Variants in SCML4 observed in about 807,000 individuals in gnomAD.
The protein encoded by SCML4 is Scm polycomb group protein like 4.
Under a neutral mutation model 41.1 loss-of-function variants are expected in SCML4, and 34 were observed. That is an observed-to-expected ratio of 0.83 (90% CI 0.63 to 1.10). The LOEUF is 1.10. Ranked by LOEUF, SCML4 falls within the 50% of genes least tolerant of loss-of-function variation. The pLI is 0.00. For missense variants in SCML4, 522 were observed against 534.1 expected, an observed-to-expected ratio of 0.98 and a Z score of 0.22; for synonymous variants, 214 against 220.9, an observed-to-expected ratio of 0.97 and a Z score of 0.28.
At chr6:107,729,931 T>A (rs980256599) in intron 5 of SCML4, among the ~76,000 whole-genome samples, 1 of 152,326 alleles carries the variant, frequency 6.6e-6, no homozygotes, top group East Asian at 1.9e-4. Context: ...GAGGCCATTG[T>A]GCTATGAATC....
upstream of SCML4, among the ~76,000 whole-genome samples, chr6:107,826,836 G>C (rs1785271684): frequency 6.6e-6 from 1 of 152,190 alleles, no homozygotes; most frequent in African/African-American, 2.4e-5. Context: ...GGCTGAGGTG[G>C]GCAGATCACA....
intron 6 of SCML4, 137 bp downstream of exon 6, chr6:107,720,566 A>G: frequency 7.0e-7 from 1 of 1,426,034 alleles, no homozygotes; most frequent in Non-Finnish European, 9.1e-7. Flanking sequence ...GATCCATGAA[A>G]GGACTTGTGG....
At chr6:107,742,904 G>A (rs1274677041) in intron 5 of SCML4, among the ~76,000 whole-genome samples, 1 of 152,116 alleles carries the variant, frequency 6.6e-6, no homozygotes, top group Non-Finnish European at 1.5e-5. Flanking sequence ...TGTAATTGCT[G>A]TGTATAATCC....
rs11349348 is a variant in SCML4 at position 107,766,369 on chromosome 6, C to CA, written c.156+5802dup. On this transcript the variant is annotated intron_variant, in intron 2 of 7. Coordinates refer to ENST00000369020, the MANE Select transcript of SCML4 (RefSeq NM_198081.5). ...TGGGCAATAATGTGAGACTCCGTCT[C>CA]AAAAAAAAAAAAAAAAAGGGTTCAA... 6.3e-3 allele frequency among the ~76,000 whole-genome samples: 567 copies of CA among 89,692 alleles called. 8 individuals carry two copies. The highest frequency in any genetic ancestry group is 0.048 in the East Asian group (149 of 3,132). The allele number at this position is 89,692 out of a possible 152,430, so 58.8% of individuals were successfully genotyped here.
intron 1 of SCML4, among the ~76,000 whole-genome samples, chr6:107,781,992 T>C (rs1195587252): frequency 2.0e-5 from 3 of 152,190 alleles, no homozygotes; most frequent in African/African-American, 7.2e-5. Context: ...GTAAAAGCTA[T>C]CACTATTTTC....
intron 2 of SCML4, among the ~76,000 whole-genome samples, chr6:107,756,340 C>A (rs555183112): frequency 1.3e-5 from 2 of 152,202 alleles, no homozygotes; most frequent in African/African-American, 4.8e-5. Flanking sequence ...TGCCACGTCA[C>A]CTCTGGGATC....
At chr6:107,801,925 T>C (rs1783165607) in intron 1 of SCML4, among the ~76,000 whole-genome samples, 2 of 147,490 alleles carry the variant, frequency 1.4e-5, no homozygotes, top group South Asian at 4.2e-4. Flanking sequence ...CTACCACACC[T>C]GGCTAATTTT....
intron 2 of SCML4, among the ~76,000 whole-genome samples, chr6:107,754,001 G>A (rs1271106853): frequency 6.6e-6 from 1 of 152,214 alleles, no homozygotes; most frequent in Non-Finnish European, 1.5e-5. Context: ...TGAGTGGGAG[G>A]ACAGAGGAGG....
intron 5 of SCML4, among the ~76,000 whole-genome samples, chr6:107,738,191 CTG>C (rs1425255024): frequency 6.6e-6 from 1 of 152,188 alleles, no homozygotes; most frequent in Non-Finnish European, 1.5e-5. Context: ...ACCCAGGGAG[CTG>C]TGTTACTTCC....
At chr6:107,817,345 C>T (rs1258675479) in intron 1 of SCML4, among the ~76,000 whole-genome samples, 1 of 152,160 alleles carries the variant, frequency 6.6e-6, no homozygotes, top group Non-Finnish European at 1.5e-5. Flanking sequence ...AGGCCAGGTG[C>T]AATGGCTCAC....
the SCML4 span, among the ~76,000 whole-genome samples, chr6:107,837,284 G>A: frequency 2.0e-5 from 3 of 152,132 alleles, no homozygotes; most frequent in African/African-American, 7.2e-5. Flanking sequence ...CCTCCTCCTG[G>A]GTTTATGAAA....
At chr6:107,752,862 A>T (rs1778804324) in intron 2 of SCML4, among the ~76,000 whole-genome samples, 1 of 152,188 alleles carries the variant, frequency 6.6e-6, no homozygotes, top group South Asian at 2.1e-4. Context: ...ATAAGAGCCA[A>T]TGGTGAAAAT....
intron 6 of SCML4, among the ~76,000 whole-genome samples, chr6:107,712,458 C>A (rs1033496496): frequency 6.6e-5 from 10 of 152,112 alleles, no homozygotes; most frequent in African/African-American, 2.4e-4. Flanking sequence ...AGGAGGCTCT[C>A]AGGACGATTG....
chr6:107,839,396 A>AGAAAGAAAGAAAGAAAGAAAGAAAGAAC, the SCML4 span, among the ~76,000 whole-genome samples: 1 of 144,856 alleles, frequency 6.9e-6, no homozygotes, highest in African/African-American at 2.7e-5. Flanking sequence ...AAAGAAAGAA[A>AGAAAGAAAGAAAGAAAGAAAGAAAGAAC]GAAAGAAAGA....
At chr6:107,781,198 A>G (rs965553969) in intron 1 of SCML4, among the ~76,000 whole-genome samples, 6 of 152,214 alleles carry the variant, frequency 3.9e-5, no homozygotes, top group Admixed American at 2.6e-4. Context: ...TACAAAAAAT[A>G]CAAAAATTAG....
Position 107,816,927 on chromosome 6 carries a change from A to G in SCML4, c.-60+7199T>C, listed in dbSNP as rs990908425. Among the ~76,000 whole-genome samples, 3 of 152,180 alleles carry G rather than the reference A, an allele frequency of 2.0e-5. No individual in the cohort carries two copies. In the East Asian group the frequency reaches 5.8e-4, roughly 29 times the overall value. On this transcript the variant is annotated intron_variant, in intron 1 of 7. Coordinates refer to ENST00000369020, the MANE Select transcript of SCML4 (RefSeq NM_198081.5). ...CTGTTTTAAATCTGCACTCTCAGGG[A>G]TGAGAAAGAAAACCCCTGAAACTGA...
chr6:107,810,621 T>C (rs1229944731), intron 1 of SCML4, among the ~76,000 whole-genome samples: 2 of 152,154 alleles, frequency 1.3e-5, no homozygotes, highest in Admixed American at 1.3e-4. Context: ...AAAGAAACTG[T>C]AGATGTTTGG....
intron 2 of SCML4, among the ~76,000 whole-genome samples, chr6:107,767,296 A>G (rs929108658): frequency 2.0e-5 from 3 of 152,150 alleles, no homozygotes; most frequent in African/African-American, 7.2e-5. Flanking sequence ...ACTCCAAGCA[A>G]TACAACATCT....
At chr6:107,727,636 A>G (rs1184904110) in intron 5 of SCML4, among the ~76,000 whole-genome samples, 1 of 152,240 alleles carries the variant, frequency 6.6e-6, no homozygotes, top group Non-Finnish European at 1.5e-5. Flanking sequence ...GGAACGCTAC[A>G]TCTTTGCCTT....
Sources: gnomAD v4.1 joint callset for allele counts (sites outside exome capture counted in the v4.1 genomes callset) on GRCh38, gnomAD v4.1.1 for gene constraint, MANE v1.5 for transcripts, NCBI Gene and HGNC (gene_info 2026-07-23, HGNC 2026-07-21) for gene names.